Variants in NAALADL2 observed in about 807,000 individuals in gnomAD.
The protein encoded by NAALADL2 is N-acetylated alpha-linked acidic dipeptidase like 2.
A neutral mutation model predicts 87.2 loss-of-function variants in NAALADL2; 76 were observed. That is an observed-to-expected ratio of 0.87 (90% confidence interval 0.72 to 1.05). The LOEUF (loss-of-function observed/expected upper bound fraction) is 1.05. Among genes scored for constraint, NAALADL2 ranks in the 50% least tolerant of loss-of-function variants. The pLI, the probability that NAALADL2 is intolerant of heterozygous loss-of-function variation, is 0.00. For missense variants in NAALADL2, 1,089 were observed against 945.8 expected (o/e 1.15, Z -1.99); for synonymous variants, 354 against 331.0 (o/e 1.07, Z -0.75).
chr3:175,141,775 A>T (rs1730028497), intron 2 of NAALADL2, among the ~76,000 whole-genome samples: 2 of 152,074 alleles, frequency 1.3e-5, no homozygotes, highest in Non-Finnish European at 2.9e-5. Context: ...TTTTGAGCTA[A>T]ATGTTTAATG....
intron 2 of NAALADL2, among the ~76,000 whole-genome samples, chr3:174,610,740 T>A (rs1719743351): frequency 1.2e-5 from 1 of 82,722 alleles, no homozygotes; most frequent in Admixed American, 1.4e-4. Flanking sequence ...AGTTCAACCA[T>A]TGTGCAATCA....
intron 1 of NAALADL2, among the ~76,000 whole-genome samples, chr3:174,487,504 G>T (rs532637981): frequency 6.6e-6 from 1 of 151,986 alleles, no homozygotes; most frequent in Non-Finnish European, 1.5e-5. Flanking sequence ...TTGATGTCAC[G>T]TGAAGTATAC....
intron 3 of NAALADL2, among the ~76,000 whole-genome samples, chr3:174,773,734 C>A (rs946035259): frequency 6.6e-6 from 1 of 152,022 alleles, no homozygotes; most frequent in South Asian, 2.1e-4. Flanking sequence ...GAGTACCCAA[C>A]GTTTAAAGTG....
intron 11 of NAALADL2, among the ~76,000 whole-genome samples, chr3:175,667,181 G>GAGAAAGAA (rs201860926): frequency 0.023 from 2,226 of 95,152 alleles, 54 homozygotes; most frequent in East Asian, 0.036. Context: ...AAGAAAGAAA[G>GAGAAAGAA]AGAAAGAAAG....
rs75797298 is a variant in NAALADL2, at chr3:175,226,154, T to C, written c.546-7777T>C. Reference sequence around the variant, plus strand: ...CTATTACTTGTAGAGCAGGCAGATATGTACCATATTTTCGTTGATCAGAAG... The same window carrying C: ...CTATTACTTGTAGAGCAGGCAGATACGTACCATATTTTCGTTGATCAGAAG... On this transcript the variant is annotated intron_variant, in intron 2 of 13. Transcript: ENST00000454872. Among the ~76,000 whole-genome samples, 745 of 152,202 alleles carry C rather than the reference T, an allele frequency of 4.9e-3. 7 individuals carry two copies. Among genetic ancestry groups the C allele is most frequent in the African/African-American group, 0.017 (722 of 41,562 alleles).
At position 175,588,788 on chromosome 3, in the gene NAALADL2, T is replaced by A. The variant is rs577481144; in HGVS notation, c.1800+12601T>A. ...CTCCTGACCTCGTGATCCGCCCGCC[T>A]TGGCCTCCCAAAGTGCTGGGATTAT... On this transcript the variant is annotated intron_variant, in intron 10 of 13. Coordinates refer to ENST00000454872, the MANE Select transcript of NAALADL2 (RefSeq NM_207015.3). 3.9e-5 allele frequency among the ~76,000 whole-genome samples: 6 copies of A among 152,264 alleles called. No individual in the cohort carries two copies. The South Asian group carries it at 1.2e-3, about 32-fold the overall frequency.
chr3:175,161,663 G>A (rs769473896), intron 2 of NAALADL2, among the ~76,000 whole-genome samples: 4 of 119,578 alleles, frequency 3.3e-5, no homozygotes, highest in Non-Finnish European at 4.9e-5. Context: ...TAAGATGTTA[G>A]ACAATAACAA....
At chr3:175,200,915 C>G (rs1320540348) in intron 2 of NAALADL2, among the ~76,000 whole-genome samples, 1 of 152,082 alleles carries the variant, frequency 6.6e-6, no homozygotes, top group African/African-American at 2.4e-5. Flanking sequence ...CTTTCCATAT[C>G]CCTGCACTCC....
intron 3 of NAALADL2, among the ~76,000 whole-genome samples, chr3:174,825,963 C>T (rs966636038): frequency 2.6e-5 from 4 of 151,950 alleles, no homozygotes; most frequent in African/African-American, 9.6e-5. Flanking sequence ...GGAGGCGGAG[C>T]TTGCAGTGAG....
At chr3:175,088,979 C>T (rs565449218) in intron 1 of NAALADL2, among the ~76,000 whole-genome samples, 73 of 151,976 alleles carry the variant, frequency 4.8e-4, no homozygotes, top group African/African-American at 9.2e-4. Context: ...GTAACTGTCA[C>T]GTTCTTAGCA....
At chr3:174,723,155 A>G (rs530387652) in intron 2 of NAALADL2, among the ~76,000 whole-genome samples, 19 of 152,296 alleles carry the variant, frequency 1.2e-4, no homozygotes, top group Non-Finnish European at 2.6e-4. Context: ...AATTGAATGG[A>G]CATCATATTT....
Position 175,083,897 on chromosome 3 carries a change from C to T in NAALADL2, c.44-12893C>T, listed in dbSNP as rs557444079. On this transcript the variant is annotated intron_variant, in intron 1 of 13. Transcript: ENST00000454872. ...AGCAACTACCAGGTTCCAGATACAGCGCTAAGCTTCAAAGATAAAAGATAA... is the reference window on the plus strand; with the variant it reads ...AGCAACTACCAGGTTCCAGATACAGTGCTAAGCTTCAAAGATAAAAGATAA... Among the ~76,000 whole-genome samples, 9 of 152,232 alleles carry T rather than the reference C, an allele frequency of 5.9e-5. 2 individuals are homozygous for T. Among genetic ancestry groups the T allele is most frequent in the South Asian group, 4.1e-4 (2 of 4,828 alleles).
chr3:175,170,805 C>T (rs1001821684), intron 2 of NAALADL2, among the ~76,000 whole-genome samples: 1 of 151,384 alleles, frequency 6.6e-6, no homozygotes, highest in Non-Finnish European at 1.5e-5. Flanking sequence ...TTCATTGGTA[C>T]ATGTGTATAA....
intron 1 of NAALADL2, among the ~76,000 whole-genome samples, chr3:174,922,762 T>G (rs534328577): frequency 7.8e-4 from 119 of 152,268 alleles, no homozygotes; most frequent in African/African-American, 2.6e-3. Context: ...TGAAATGGTG[T>G]ATTTTTCCAC....
intron 5 of NAALADL2, among the ~76,000 whole-genome samples, chr3:175,397,657 T>A (rs1381439125): frequency 6.6e-6 from 1 of 152,192 alleles, no homozygotes; most frequent in Non-Finnish European, 1.5e-5. Flanking sequence ...GTGTGATTTC[T>A]GGATAGAAAG....
rs543574335 is a variant in NAALADL2, at chr3:174,515,244, T to C, written c.-183-35325T>C. On this transcript the variant is annotated intron_variant, in intron 1 of 3. Coordinates refer to the NAALADL2 transcript ENST00000434257. ...CCTTTTCTATTGGGCTCATACTTTG[T>C]TATTCTTTTAAGACTTGTAACTGTT... Among the ~76,000 whole-genome samples, 12 of 152,278 alleles carry C rather than the reference T, an allele frequency of 7.9e-5. No homozygotes were observed. In the East Asian group the frequency reaches 2.3e-3, roughly 29 times the overall value.
Position 175,190,800 on chromosome 3 carries a change from C to A in NAALADL2, c.546-43131C>A, listed in dbSNP as rs971923235. On this transcript the variant is annotated intron_variant, in intron 2 of 13. Transcript: ENST00000454872. ...GACCATCCTGGCTAACACGGTGAAA[C>A]CCCGTCTCTACTAAAAATACAAAAA... Among the ~76,000 whole-genome samples, 8 of 151,922 alleles carry A rather than the reference C, an allele frequency of 5.3e-5. No individual in the cohort carries two copies. The East Asian group carries it at 1.6e-3, about 30-fold the overall frequency.
At chr3:175,430,286 T>C (rs1717533874) in intron 5 of NAALADL2, among the ~76,000 whole-genome samples, 2 of 152,090 alleles carry the variant, frequency 1.3e-5, no homozygotes, top group East Asian at 1.9e-4. Context: ...CTTTAAGTTA[T>C]ATACGCATAT....
rs139896488 is a variant in NAALADL2 at position 174,872,710 on chromosome 3, A to T, written c.43+13260A>T. Among the ~76,000 whole-genome samples, 265 of 150,142 alleles carry T rather than the reference A, an allele frequency of 1.8e-3. 1 individual carries two copies. The highest frequency in any genetic ancestry group is 6.1e-3 in the African/African-American group (243 of 40,006). ...CTGTAATGTGAAAAAGGAAAAACCA[A>T]TGTATTCATCTACACACACACATAC... On this transcript the variant is annotated intron_variant, in intron 1 of 13. Coordinates refer to ENST00000454872, the MANE Select transcript of NAALADL2 (RefSeq NM_207015.3).
Sources: allele counts gnomAD v4.1 joint callset (sites outside exome capture counted in the v4.1 genomes callset), GRCh38; gene constraint gnomAD v4.1.1; transcripts MANE v1.5; gene names NCBI Gene and HGNC (gene_info 2026-07-23, HGNC 2026-07-21).